MACROD2: variants seen among roughly 807,000 people sequenced by gnomAD.
MACROD2 encodes the protein mono-ADP ribosylhydrolase 2.
A neutral mutation model predicts 70.4 loss-of-function variants in MACROD2; 36 were observed. The ratio of observed to expected loss-of-function variants is 0.51; its 90% CI spans 0.39 to 0.68. The LOEUF is 0.68. MACROD2 is among the 30% of genes least tolerant of loss of function. The pLI is 0.00. For missense variants in MACROD2, 496 were observed against 538.4 expected (o/e 0.92, Z 0.78); for synonymous variants, 172 against 178.8 (o/e 0.96, Z 0.30).
chr20:14,239,781 C>T (rs2081912816), intron 3 of MACROD2, among the ~76,000 whole-genome samples: 1 of 152,168 alleles, frequency 6.6e-6, no homozygotes, highest in Non-Finnish European at 1.5e-5. Context: ...CTAAAGATTT[C>T]ATGACGTAGA....
intron 8 of MACROD2, among the ~76,000 whole-genome samples, chr20:15,785,274 A>G (rs2051906177): frequency 6.6e-6 from 1 of 152,222 alleles, no homozygotes; most frequent in African/African-American, 2.4e-5. Flanking sequence ...CAAGCAAAAC[A>G]AAACAAAACA....
At chr20:15,349,148 G>A (rs1246958122) in intron 6 of MACROD2, among the ~76,000 whole-genome samples, 1 of 152,060 alleles carries the variant, frequency 6.6e-6, no homozygotes, top group East Asian at 1.9e-4. Context: ...ACCACCCAGT[G>A]CGTTGTGTTA....
chr20:14,183,681 A>G (rs1361942503), intron 3 of MACROD2, among the ~76,000 whole-genome samples: 1 of 152,108 alleles, frequency 6.6e-6, no homozygotes, highest in Non-Finnish European at 1.5e-5. Flanking sequence ...CTTTTTCTCT[A>G]CAACCACACT....
chr20:14,222,302 G>A (rs2081682809), intron 3 of MACROD2, among the ~76,000 whole-genome samples: 1 of 151,732 alleles, frequency 6.6e-6, no homozygotes, highest in Non-Finnish European at 1.5e-5. Context: ...ATACTATTCA[G>A]CTATAAAAAA....
At chr20:15,214,418 C>T (rs1348919034) in intron 5 of MACROD2, among the ~76,000 whole-genome samples, 1 of 152,140 alleles carries the variant, frequency 6.6e-6, no homozygotes, top group African/African-American at 2.4e-5. Context: ...AAATTCTATA[C>T]ATTGCAAGCC....
At chr20:14,212,054 A>C (rs376481312) in intron 3 of MACROD2, among the ~76,000 whole-genome samples, 1 of 152,336 alleles carries the variant, frequency 6.6e-6, no homozygotes, top group African/African-American at 2.4e-5. Context: ...ATACATACAC[A>C]TGCAGAGGCA....
chr20:14,104,232 T>G (rs182637433), intron 3 of MACROD2, among the ~76,000 whole-genome samples: 1 of 152,350 alleles, frequency 6.6e-6, no homozygotes, highest in Admixed American at 6.5e-5. Context: ...GGAGTATACC[T>G]TTTGGTATTA....
chr20:14,611,456 T>C (rs867555187), intron 4 of MACROD2, among the ~76,000 whole-genome samples: 1 of 148,698 alleles, frequency 6.7e-6, no homozygotes, highest in African/African-American at 2.4e-5. Flanking sequence ...CCTGAGGTTT[T>C]TTTTTTTTTT....
intron 15 of MACROD2, among the ~76,000 whole-genome samples, chr20:16,038,907 G>T (rs748319454): frequency 6.6e-6 from 1 of 151,984 alleles, no homozygotes; most frequent in Non-Finnish European, 1.5e-5. Flanking sequence ...TTAAAAGTTA[G>T]ACTTCAGGTT....
intron 10 of MACROD2, among the ~76,000 whole-genome samples, chr20:15,913,759 TA>T (rs1000675485): frequency 1.3e-5 from 2 of 152,128 alleles, no homozygotes; most frequent in Admixed American, 1.3e-4. Context: ...CAGTGTGTTA[TA>T]AAAAAATATA....
At chr20:15,649,216 TTCTTTCTTTCTTTC>T (rs1368348028) in intron 8 of MACROD2, among the ~76,000 whole-genome samples, 1 of 3,626 alleles carries the variant, frequency 2.8e-4, no homozygotes, top group Non-Finnish European at 5.2e-4. Context: ...CCTTCTTTCT[TTCTTTCTTTCTTTC>T]TTTCTTTCTT....
intron 12 of MACROD2, among the ~76,000 whole-genome samples, chr20:15,958,872 C>T (rs761322012): frequency 1.0e-3 from 153 of 152,236 alleles, no homozygotes; most frequent in Non-Finnish European, 1.6e-3. Flanking sequence ...GACCAGAAGG[C>T]GGCCATCTGC....
At chr20:14,744,449 C>A (rs1259911017) in intron 5 of MACROD2, among the ~76,000 whole-genome samples, 3 of 151,910 alleles carry the variant, frequency 2.0e-5, no homozygotes, top group African/African-American at 7.2e-5. Context: ...ACATAATTAT[C>A]ATGTTTGTGG....
At chr20:15,447,814 G>A (rs919042834) in intron 7 of MACROD2, among the ~76,000 whole-genome samples, 2 of 152,146 alleles carry the variant, frequency 1.3e-5, no homozygotes, top group African/African-American at 4.8e-5. Flanking sequence ...GGGTGAAGCA[G>A]GAAAGAAATC....
intron 5 of MACROD2, 125 bp from the exon 6 acceptor site, chr20:15,229,815 G>A: frequency 1.0e-6 from 1 of 971,356 alleles, no homozygotes; most frequent in Non-Finnish European, 1.4e-6. Flanking sequence ...CGTCGCCAAT[G>A]TATTGCTTAG....
chr20:15,358,010 G>A (rs1466323058), intron 6 of MACROD2, among the ~76,000 whole-genome samples: 2 of 151,730 alleles, frequency 1.3e-5, no homozygotes, highest in African/African-American at 2.4e-5. Context: ...GGGTTTCACC[G>A]TGTTAGCCAG....
intron 5 of MACROD2, among the ~76,000 whole-genome samples, chr20:14,944,243 G>A (rs899405303): frequency 4.6e-5 from 7 of 152,146 alleles, no homozygotes; most frequent in African/African-American, 1.4e-4. Context: ...GGAGAGGAGG[G>A]CTGGGGAAGG....
rs145103665 is a variant in MACROD2, at chr20:16,024,497, T to TCACA, written c.1154-16691_1154-16688dup. On this transcript the variant is annotated intron_variant, in intron 15 of 17. Transcript: ENST00000684519. ...TTTCACCCAACCCATGCAGCCATGT[T>TCACA]CACACACACACACACAGACACACAC... Among the ~76,000 whole-genome samples, 1,133 of 150,730 alleles carry TCACA rather than the reference T, an allele frequency of 7.5e-3. 18 individuals are homozygous for TCACA. Among genetic ancestry groups the TCACA allele is most frequent in the African/African-American group, 0.026 (1,067 of 41,084 alleles).
At chr20:14,185,330 T>TTAA (rs2081336303) in intron 3 of MACROD2, among the ~76,000 whole-genome samples, 1 of 151,950 alleles carries the variant, frequency 6.6e-6, no homozygotes, top group Non-Finnish European at 1.5e-5. Flanking sequence ...TGCCCTTCTT[T>TTAA]CATGTTCCTT....
Sources: allele counts gnomAD v4.1 joint callset (sites outside exome capture counted in the v4.1 genomes callset), GRCh38; gene constraint gnomAD v4.1.1; transcripts MANE v1.5; gene names NCBI Gene and HGNC (gene_info 2026-07-23, HGNC 2026-07-21).